The following OSMR variants were observed in gnomAD, a reference collection of about 807,000 sequenced individuals.
The protein encoded by OSMR is oncostatin-M-specific receptor subunit beta.
OSMR carries 81 observed loss-of-function variants against 99.9 expected under a neutral mutation model. The observed-to-expected ratio is 0.81, with a 90% CI of 0.68 to 0.97. The LOEUF is 0.97. OSMR is among the 50% of genes least tolerant of loss of function. The pLI is 0.00. For synonymous variants in OSMR, 406 were observed against 410.4 expected (o/e 0.99, Z 0.13); for missense variants, 1,099 against 1,153.4 (o/e 0.95, Z 0.68).
intron 1 of OSMR, among the ~76,000 whole-genome samples, chr5:38,866,355 C>T (rs1410690622): frequency 1.3e-5 from 2 of 152,170 alleles, no homozygotes; most frequent in Non-Finnish European, 2.9e-5. Context: ...AAAGTACATG[C>T]AGGTGGGTGG....
At chr5:38,904,551 T>C in intron 9 of OSMR, 48 bp downstream of exon 9, 2 of 1,611,766 alleles carry the variant, frequency 1.2e-6, no homozygotes, top group African/African-American at 2.7e-5. Flanking sequence ...GTCTTAGGAG[T>C]TAGACTGGTT....
At chr5:38,850,850 T>A (rs947139852) in intron 1 of OSMR, among the ~76,000 whole-genome samples, 2 of 152,232 alleles carry the variant, frequency 1.3e-5, no homozygotes, top group African/African-American at 4.8e-5. Context: ...TGAGCAAATT[T>A]ACTTCATATA....
chr5:38,939,236 T>C (rs1747270466), downstream of OSMR: 1 of 232,866 alleles, frequency 4.3e-6, no homozygotes, highest in Admixed American at 5.6e-5. Context: ...GCTGAACACT[T>C]GGCCGTTGTG....
intron 2 of OSMR, among the ~76,000 whole-genome samples, chr5:38,875,458 A>G (rs984638704): frequency 6.6e-6 from 1 of 152,226 alleles, no homozygotes; most frequent in Admixed American, 6.5e-5. Flanking sequence ...CAGTCAGCCT[A>G]AGAGATAGGC....
chr5:38,941,699 CTT>C, intron 1 of OSMR: 1 of 232,096 alleles, frequency 4.3e-6, no homozygotes, highest in Non-Finnish European at 8.5e-6. Flanking sequence ...ATAAAAATAA[CTT>C]ATAAGTCCCG....
chr5:38,879,425 C>A (rs1490397064), intron 3 of OSMR, among the ~76,000 whole-genome samples: 1 of 152,106 alleles, frequency 6.6e-6, no homozygotes, highest in East Asian at 1.9e-4. Context: ...GGAACTGGGG[C>A]AAGGGATGTG....
intron 7 of OSMR, among the ~76,000 whole-genome samples, chr5:38,900,514 C>T (rs1420698317): frequency 2.6e-5 from 4 of 151,950 alleles, no homozygotes; most frequent in African/African-American, 9.7e-5. Flanking sequence ...TTCTGAGATA[C>T]CAGTATGCCA....
intron 15 of OSMR, among the ~76,000 whole-genome samples, chr5:38,928,406 C>T (rs1188840507): frequency 6.6e-6 from 1 of 152,180 alleles, no homozygotes; most frequent in Non-Finnish European, 1.5e-5. Flanking sequence ...GTTTAAGTGG[C>T]TCACGGTTCT....
At chr5:38,887,859 T>C (rs1035485961) in intron 7 of OSMR, among the ~76,000 whole-genome samples, 6 of 152,164 alleles carry the variant, frequency 3.9e-5, no homozygotes, top group Non-Finnish European at 7.3e-5. Flanking sequence ...GTTAAAATCA[T>C]TTCATAAAGT....
intron 1 of OSMR, among the ~76,000 whole-genome samples, chr5:38,861,826 C>T (rs1279851786): frequency 7.0e-6 from 1 of 142,884 alleles, no homozygotes; most frequent in Non-Finnish European, 1.5e-5. Context: ...GGCGGCTGGG[C>T]AGAGGCGCCC....
intron 15 of OSMR, among the ~76,000 whole-genome samples, chr5:38,928,408 C>T (rs1465452077): frequency 2.0e-5 from 3 of 152,184 alleles, no homozygotes; most frequent in Non-Finnish European, 4.4e-5. Flanking sequence ...TTAAGTGGCT[C>T]ACGGTTCTGC....
chr5:38,898,869 TAAAC>T (rs940378593), intron 7 of OSMR, among the ~76,000 whole-genome samples: 52 of 150,368 alleles, frequency 3.5e-4, no homozygotes, highest in African/African-American at 1.2e-3. Context: ...ACTGCTTACA[TAAAC>T]AAACAGGCAA....
chr5:38,940,430 C>T (rs924281651), downstream of OSMR: 1 of 232,546 alleles, frequency 4.3e-6, no homozygotes, highest in Non-Finnish European at 8.5e-6. Context: ...TCTAGTAACT[C>T]TGACATTTGG....
chr5:38,884,186 CAAAT>C (rs1743528480), intron 5 of OSMR, 75 bp downstream of exon 5: 1 of 1,150,000 alleles, frequency 8.7e-7, no homozygotes, highest in Admixed American at 1.7e-5. Context: ...TACTAGAAGA[CAAAT>C]AAACATTTCT....
At position 38,884,104 on chromosome 5, in the gene OSMR, T is replaced by C; in HGVS notation, c.696T>C (p.Phe232=). 1 of 1,612,828 alleles carries C rather than the reference T, an allele frequency of 6.2e-7. No homozygotes were observed. ...AAGGCATGAAAGGCATCGTTCTTTT[T>C]GTCTCAAGTAAGTGTGCAAATTCTC... ...VSEGMKGIVL[F]VSKVLEEPKD... Residue 232 remains phenylalanine, a synonymous_variant, in exon 5 of 18, where the codon TTT becomes TTC. Coordinates refer to ENST00000274276, the MANE Select transcript of OSMR (RefSeq NM_003999.3).
chr5:38,877,895 C>T (rs776170353), intron 3 of OSMR, among the ~76,000 whole-genome samples: 75 of 152,218 alleles, frequency 4.9e-4, no homozygotes, highest in Non-Finnish European at 9.8e-4. Flanking sequence ...ATTTGATTCC[C>T]GTAAGAGTCC....
At chr5:38,861,964 G>C (rs1741401410) in intron 1 of OSMR, among the ~76,000 whole-genome samples, 1 of 132,044 alleles carries the variant, frequency 7.6e-6, no homozygotes, top group Non-Finnish European at 1.6e-5. Context: ...GGCTGGCCGG[G>C]CGGGGGACTG....
At chr5:38,897,271 G>A (rs1293911651) in intron 7 of OSMR, among the ~76,000 whole-genome samples, 1 of 152,002 alleles carries the variant, frequency 6.6e-6, no homozygotes, top group Admixed American at 6.5e-5. Flanking sequence ...TGAAGCCACT[G>A]GGTCCCAGGC....
chr5:38,913,376 C>T (rs977872568), intron 9 of OSMR, among the ~76,000 whole-genome samples: 3 of 151,784 alleles, frequency 2.0e-5, no homozygotes, highest in Non-Finnish European at 4.4e-5. Context: ...GGTGAAACCC[C>T]GTCTCTACTA....
Sources: gnomAD v4.1 joint callset for allele counts (sites outside exome capture counted in the v4.1 genomes callset) on GRCh38, gnomAD v4.1.1 for gene constraint, MANE v1.5 for transcripts, NCBI Gene and HGNC (gene_info 2026-07-23, HGNC 2026-07-21) for gene names.